SEPTIN9: variants seen among roughly 807,000 people sequenced by gnomAD.
The protein encoded by SEPTIN9 is septin-9.
In SEPTIN9, 13 loss-of-function variants were observed where a neutral mutation model predicts 56.6. That is an observed-to-expected ratio of 0.23 (90% confidence interval 0.15 to 0.37). SEPTIN9 has a LOEUF of 0.37. Among genes scored for constraint, SEPTIN9 ranks in the 10% least tolerant of loss-of-function variants. SEPTIN9 has a pLI of 1.00. For synonymous variants in SEPTIN9, 332 were observed against 334.1 expected (o/e 0.99, Z 0.07); for missense variants, 650 against 823.1 (o/e 0.79, Z 2.57).
Position 77,373,411 on chromosome 17 carries a change from C to G in SEPTIN9, c.77-28648C>G, listed in dbSNP as rs1053111986. The stretch of plus-strand genomic sequence containing the variant: ...CTGCACTGCAGGAGCGCGGGCGCGG[C>G]GCCCCAGCCAGCGCGCAGGGCCCGG... On this transcript the variant is annotated intron_variant, in intron 2 of 11. Coordinates refer to ENST00000427177, the MANE Select transcript of SEPTIN9 (RefSeq NM_001113491.2). 7.9e-6 allele frequency: 10 copies of G among 1,267,000 alleles called. No individual in the cohort carries two copies. In the African/African-American group the frequency reaches 1.6e-4, roughly 20 times the overall value. The allele number at this position is 1,267,000 out of a possible 1,614,324, so 78.5% of individuals were successfully genotyped here.
intron 3 of SEPTIN9, among the ~76,000 whole-genome samples, chr17:77,460,353 A>G (rs2038412780): frequency 6.6e-6 from 1 of 152,036 alleles, no homozygotes; most frequent in Non-Finnish European, 1.5e-5. Flanking sequence ...CTGGCTCCTC[A>G]CAGCTCACCG....
At chr17:77,466,535 CAGG>C (rs1438530903) in intron 3 of SEPTIN9, 1 of 985,358 alleles carries the variant, frequency 1.0e-6, no homozygotes, top group Admixed American at 6.2e-5. Flanking sequence ...GCATTTCTTC[CAGG>C]AGGTCACCGT....
intron 1 of SEPTIN9, 167 bp downstream of exon 1, chr17:77,281,721 C>G: frequency 3.2e-6 from 2 of 620,496 alleles, no homozygotes; most frequent in Non-Finnish European, 5.3e-6. Flanking sequence ...TGTCGGGCCG[C>G]TTTCGACCTG....
At chr17:77,382,729 C>T (rs778702961) in intron 2 of SEPTIN9, among the ~76,000 whole-genome samples, 3 of 152,182 alleles carry the variant, frequency 2.0e-5, no homozygotes, top group Admixed American at 6.5e-5. Flanking sequence ...CAAAAGAAAC[C>T]CTTGGCCGCC....
chr17:77,492,503 G>A lies in SEPTIN9; in HGVS notation c.1381-118G>A. 5 of 884,136 alleles carry A rather than the reference G, an allele frequency of 5.7e-6. No homozygotes were observed. The highest frequency in any genetic ancestry group is 9.6e-6 in the Non-Finnish European group (5 of 518,908). The allele number at this position is 884,136 out of a possible 1,614,324, so 54.8% of individuals were successfully genotyped here. On this transcript the variant is annotated intron_variant, in intron 8 of 11. Coordinates refer to ENST00000427177, the MANE Select transcript of SEPTIN9 (RefSeq NM_001113491.2). This position sits in a 1 kb window ranked among gnomAD's most constrained non-coding sequence, Gnocchi z 5.4. The stretch of plus-strand genomic sequence containing the variant: ...GTGATTGGTGTCACAGCCCCCCAGA[G>A]CCTGCCCTTGAACCCGAGCCTGGGG...
intron 1 of SEPTIN9, chr17:77,288,353 C>CT (rs2031370727): frequency 2.6e-6 from 1 of 377,686 alleles, no homozygotes; most frequent in Admixed American, 6.2e-5. Flanking sequence ...GAGGATGTCC[C>CT]TGAATGCCAT....
In SEPTIN9 at chr17:77,451,493, G is replaced by C; in HGVS notation, c.722-30651G>C. 1.0e-6 allele frequency: 1 copy of C among 985,760 alleles called. No individual in the cohort carries two copies. 61.1% of individuals were successfully genotyped at this position (985,760 alleles called of 1,614,324 possible). Reference sequence around the variant, plus strand: ...ACCCGGTGGGCGGGCCGCGGCTCTCGGCGCGTCCAGCGCAGCCCGACGTTC... The same window carrying C: ...ACCCGGTGGGCGGGCCGCGGCTCTCCGCGCGTCCAGCGCAGCCCGACGTTC... On this transcript the variant is annotated intron_variant, in intron 3 of 11. Coordinates refer to ENST00000427177, the MANE Select transcript of SEPTIN9 (RefSeq NM_001113491.2). This position sits in a 1 kb window ranked among gnomAD's most constrained non-coding sequence, Gnocchi z 4.2.
chr17:77,289,630 A>T (rs1314045555), intron 1 of SEPTIN9, among the ~76,000 whole-genome samples: 1 of 150,122 alleles, frequency 6.7e-6, no homozygotes, highest in Non-Finnish European at 1.5e-5. Context: ...CTGGTCTCGA[A>T]CTCCCGACCT....
intron 11 of SEPTIN9, 140 bp from the exon 12 acceptor site, chr17:77,498,383 G>T: frequency 1.6e-6 from 1 of 644,448 alleles, no homozygotes; most frequent in Non-Finnish European, 2.8e-6. Context: ...GGACCCCATG[G>T]GGAGCCAAGC....
intron 2 of SEPTIN9, among the ~76,000 whole-genome samples, chr17:77,398,032 G>A (rs112352557): frequency 0.022 from 3,235 of 147,980 alleles, 117 homozygotes; most frequent in African/African-American, 0.074. Flanking sequence ...GGAGTGTAGT[G>A]GTGTGATCAT....
At position 77,400,757 on chromosome 17, in the gene SEPTIN9, C is replaced by T. The variant is rs2035871896; in HGVS notation, c.77-1302C>T. 1 of 152,492 alleles carries T rather than the reference C, an allele frequency of 6.6e-6. No individual in the cohort carries two copies. The highest frequency in any genetic ancestry group is 2.4e-5 in the African/African-American group (1 of 41,408). The allele number at this position is 152,492 out of a possible 1,614,324, so 9.4% of individuals were successfully genotyped here. On this transcript the variant is annotated intron_variant, in intron 2 of 11. Coordinates refer to ENST00000427177, the MANE Select transcript of SEPTIN9 (RefSeq NM_001113491.2). The surrounding 1 kb of genome is among the most constrained non-coding windows in gnomAD (Gnocchi z 4.1). Reference sequence around the variant, plus strand: ...CGGCTGGGGAGACACTGTGGGTCTCCACAGGGGTGCGCTGTGGGTCTGGCC... The same window carrying T: ...CGGCTGGGGAGACACTGTGGGTCTCTACAGGGGTGCGCTGTGGGTCTGGCC...
At chr17:77,376,404 C>T in intron 2 of SEPTIN9, 1 of 985,502 alleles carries the variant, frequency 1.0e-6, no homozygotes, top group Non-Finnish European at 1.2e-6. Flanking sequence ...GCAAGGTAGG[C>T]CGAAAGGGTG....
chr17:77,325,591 T>C (rs1179568545), intron 2 of SEPTIN9, among the ~76,000 whole-genome samples: 2 of 152,170 alleles, frequency 1.3e-5, no homozygotes, highest in Non-Finnish European at 2.9e-5. Flanking sequence ...CCTGCGGACA[T>C]GCCCCTTGTT....
rs982540367 is a variant in SEPTIN9, at chr17:77,429,020, T to C, written c.721+26317T>C. The C allele has an allele frequency of 2.1e-6, 1 of 471,312 alleles. No homozygotes were observed. The highest frequency in any genetic ancestry group is 2.0e-5 in the African/African-American group (1 of 50,084). The allele number at this position is 471,312 out of a possible 1,614,324, so 29.2% of individuals were successfully genotyped here. A position where few individuals can be genotyped will look rare whatever the true frequency, so the allele number is the denominator to read the frequency against. ...CGTCAGAGGAGGCAGCCGGTGAGAA[T>C]GGGAGCATCTCAGCAGCCCTCCGCC... On this transcript the variant is annotated intron_variant, in intron 3 of 11. Coordinates refer to ENST00000427177, the MANE Select transcript of SEPTIN9 (RefSeq NM_001113491.2). The surrounding 1 kb of genome is among the most constrained non-coding windows in gnomAD (Gnocchi z 5.2).
rs2034663249 is a variant in SEPTIN9, at chr17:77,369,703, G to GT, written c.77-32355dup. ...GACACAGCCTGCCACCTAATGGGGT[G>GT]TCCCGTCTGGAGCCTCAGTGTTGCT... is the stretch of plus-strand genomic sequence containing the variant. On this transcript the variant is annotated intron_variant, in intron 2 of 11. Coordinates refer to ENST00000427177, the MANE Select transcript of SEPTIN9 (RefSeq NM_001113491.2). This position sits in a 1 kb window ranked among gnomAD's most constrained non-coding sequence, Gnocchi z 4.9. Among the ~76,000 whole-genome samples the GT allele has an allele frequency of 6.6e-6, 1 of 152,224 alleles. No homozygotes were observed. The highest frequency in any genetic ancestry group is 1.5e-5 in the Non-Finnish European group (1 of 68,040).
chr17:77,482,539 C>G, intron 4 of SEPTIN9: 1 of 711,970 alleles, frequency 1.4e-6, no homozygotes, highest in Non-Finnish European at 2.5e-6. Flanking sequence ...CTCAGAGGGG[C>G]CTGTCCTGCA....
chr17:77,448,243 C>T (rs574725473), intron 3 of SEPTIN9, among the ~76,000 whole-genome samples: 3 of 152,232 alleles, frequency 2.0e-5, no homozygotes, highest in East Asian at 1.9e-4. Context: ...GAGGCTGAGG[C>T]GGGCGGATCA....
At chr17:77,320,011 G>A (rs2032849581) in intron 2 of SEPTIN9, 1 of 1,310,040 alleles carries the variant, frequency 7.6e-7, no homozygotes, top group Non-Finnish European at 9.7e-7. Context: ...GGACTCCTCG[G>A]GGCCCACTTC....
At chr17:77,315,442 C>T (rs1471803644) in intron 2 of SEPTIN9, among the ~76,000 whole-genome samples, 2 of 152,178 alleles carry the variant, frequency 1.3e-5, no homozygotes, top group Non-Finnish European at 2.9e-5. Flanking sequence ...CATGCGCCAC[C>T]ATGCCCAGCT....
Sources: gnomAD v4.1 joint callset for allele counts (sites outside exome capture counted in the v4.1 genomes callset) on GRCh38, gnomAD v4.1.1 for gene constraint, Gnocchi (gnomAD v3.1) non-coding constraint, MANE v1.5 for transcripts, NCBI Gene and HGNC (gene_info 2026-07-23, HGNC 2026-07-21) for gene names.